Variants in ZG16 observed in about 807,000 individuals in gnomAD.
The protein encoded by ZG16 is zymogen granule protein 16.
ZG16 carries 9 observed loss-of-function variants against 15.6 expected under a neutral mutation model. The observed-to-expected ratio is 0.58, with a 90% CI of 0.35 to 1.00. The LOEUF (loss-of-function observed/expected upper bound fraction) is 1.00, where lower values mean the gene tolerates loss of function less well. Ranked by LOEUF, ZG16 falls within the 50% of genes least tolerant of loss-of-function variation. The probability of loss-of-function intolerance (pLI) is 0.02; values close to 1 mark genes in which losing one functional copy is unlikely to be tolerated. For synonymous variants in ZG16, 89 were observed against 87.4 expected (o/e 1.02, Z -0.10); for missense variants, 174 against 214.8 (o/e 0.81, Z 1.19).
intron 2 of ZG16, 37 bp from the exon 3 acceptor site, chr16:29,779,468 G>C (rs1292372285): frequency 2.1e-5 from 33 of 1,534,908 alleles, no homozygotes; most frequent in Non-Finnish European, 2.8e-5. Context: ...TGAACTCCTG[G>C]AAGATTTCTC....
In ZG16 at chr16:29,780,687, G is replaced by C. The variant is rs1898615869; in HGVS notation, c.*268G>C. 1.7e-5 allele frequency: 7 copies of C among 411,554 alleles called. No individual in the cohort carries two copies. In the East Asian group the frequency reaches 3.0e-4, roughly 18 times the overall value. The allele number at this position is 411,554 out of a possible 1,614,324, so 25.5% of individuals were successfully genotyped here. On this transcript the variant is annotated 3_prime_UTR_variant, in exon 4 of 4. Transcript: ENST00000400752. ...GCTATAATTTATCAAGAGGAGATGA[G>C]ATTCTGGCTTGCATCAACGCTCTTC...
rs2142353733 is a variant in ZG16 at position 29,780,290 on chromosome 16, C to T, written c.375C>T (p.Gly125=). 3.9e-6 allele frequency: 6 copies of T among 1,537,428 alleles called. No individual in the cohort carries two copies. The highest frequency in any genetic ancestry group is 1.7e-4 in the Middle Eastern group (1 of 5,990). The change falls in exon 4 of 4, where the codon GGC becomes GGT. Residue 125 remains glycine (G), a synonymous_variant. Transcript: ENST00000400752. ...ATCTGTCTTTTGGGAAAGACAGTGG[C>T]ACAAGTTTCAATGCCGTCCCCTTGC... ...GRYLSFGKDS[G]TSFNAVPLHP...
rs1040241577 is a variant in ZG16 at position 29,782,062 on chromosome 16, C to T, written c.*1643C>T. 2 of 152,168 alleles carry T rather than the reference C, an allele frequency of 1.3e-5. No homozygotes were observed. Among genetic ancestry groups the T allele is most frequent in the African/African-American group, 2.4e-5 (1 of 41,436 alleles). 9.4% of individuals were successfully genotyped at this position (152,168 alleles called of 1,614,324 possible). ...CTCTGCCTCTTGGGAAACACAGGCA[C>T]CAGTTTTAGTGCCATCTTCTTGCAC... On this transcript the variant is annotated 3_prime_UTR_variant, in exon 4 of 4. Transcript: ENST00000400752.
rs235642 is a variant in ZG16, at chr16:29,781,397, A to G, written c.*978A>G. On this transcript the variant is annotated 3_prime_UTR_variant, in exon 4 of 4. Coordinates refer to ENST00000400752, the MANE Select transcript of ZG16 (RefSeq NM_152338.4). The stretch of plus-strand genomic sequence containing the variant: ...TCACTGGTGAGGTCTCAAAAGAGAT[A>G]GAAGAGGATGGTTATGTAGTTGGGG... 0.9 allele frequency: 137,601 copies of G among 152,260 alleles called. 63,714 individuals carry two copies. The highest frequency in any genetic ancestry group is 1 in the Non-Finnish European group (67,979 of 68,052). 9.4% of individuals were successfully genotyped at this position (152,260 alleles called of 1,614,324 possible). A position where few individuals can be genotyped will look rare whatever the true frequency, so the allele number is the denominator to read the frequency against.
chr16:29,779,665 C>T (rs576837733), intron 3 of ZG16, 28 bp downstream of exon 3: 32 of 1,535,912 alleles, frequency 2.1e-5, no homozygotes, highest in Admixed American at 5.9e-5. Context: ...CCTGGCTGGG[C>T]GCGGTGGCTC....
chr16:29,781,032 A>G lies in ZG16; in HGVS notation c.*613A>G, dbSNP rs1173461031. ...CCTGCTAAGCCCTCTCAGATCTGGG[A>G]TTCCTCCTTCCTCAGGAAGCCACCA... On this transcript the variant is annotated 3_prime_UTR_variant, in exon 4 of 4. Transcript: ENST00000400752. 6.6e-6 allele frequency: 1 copy of G among 152,588 alleles called. No individual in the cohort carries two copies. The highest frequency in any genetic ancestry group is 1.5e-5 in the Non-Finnish European group (1 of 68,384). The allele number at this position is 152,588 out of a possible 1,614,324, so 9.5% of individuals were successfully genotyped here.
chr16:29,778,842 T>G (rs1898587863), intron 1 of ZG16, among the ~76,000 whole-genome samples: 1 of 152,172 alleles, frequency 6.6e-6, no homozygotes, highest in Non-Finnish European at 1.5e-5. Context: ...GCCATCTCTT[T>G]GCTTGGGAGA....
rs1298072124 is a variant in ZG16 at position 29,781,989 on chromosome 16, G to A, written c.*1570G>A. The A allele has an allele frequency of 6.6e-6, 1 of 152,216 alleles. No homozygotes were observed. The highest frequency in any genetic ancestry group is 6.5e-5 in the Admixed American group (1 of 15,274). 9.4% of individuals were successfully genotyped at this position (152,216 alleles called of 1,614,324 possible). A position where few individuals can be genotyped will look rare whatever the true frequency, so the allele number is the denominator to read the frequency against. On this transcript the variant is annotated 3_prime_UTR_variant, in exon 4 of 4. Transcript: ENST00000400752. ...TCATGTTGGGCATCAGATCAGGCAG[G>A]TTCACACACTACCTGAGGAAGCTGG... is the stretch of plus-strand genomic sequence containing the variant.
At chr16:29,779,111 A>C (rs942572345) in intron 1 of ZG16, 149 bp from the exon 2 acceptor site, 9 of 715,190 alleles carry the variant, frequency 1.3e-5, no homozygotes, top group African/African-American at 5.2e-5. Flanking sequence ...GGCTATGGAC[A>C]GTCCTTTCTA....
chr16:29,780,443 C>T lies in ZG16; in HGVS notation c.*24C>T. The T allele has an allele frequency of 6.6e-7, 1 of 1,509,758 alleles. No homozygotes were observed. The highest frequency in any genetic ancestry group is 8.9e-7 in the Non-Finnish European group (1 of 1,129,862). 93.5% of individuals were successfully genotyped at this position (1,509,758 alleles called of 1,614,324 possible). A position where few individuals can be genotyped will look rare whatever the true frequency, so the allele number is the denominator to read the frequency against. ...GAGCCTCCTCTCCTTGGCAGGGGCA[C>T]TGTGATGAGGAGTAAGAACTCCCTT... On this transcript the variant is annotated 3_prime_UTR_variant, in exon 4 of 4. Transcript: ENST00000400752.
At chr16:29,779,218 G>A (rs1898592087) in intron 1 of ZG16, 42 bp from the exon 2 acceptor site, 9 of 1,533,820 alleles carry the variant, frequency 5.9e-6, no homozygotes, top group East Asian at 2.4e-5. Context: ...AGTCAACAAG[G>A]AAGAAGGTGA....
chr16:29,779,490 T>C lies in ZG16; in HGVS notation c.56-15T>C, dbSNP rs1482381344. On this transcript the variant is annotated splice_polypyrimidine_tract_variant and intron_variant, in intron 2 of 3. Coordinates refer to ENST00000400752, the MANE Select transcript of ZG16 (RefSeq NM_152338.4). ...CTGGAAGATTTCTCCCTCCAACTCC[T>C]GCTTGCCCCTCCAGTTCAGGCCAGG... 2.6e-6 allele frequency: 4 copies of C among 1,536,466 alleles called. No individual in the cohort carries two copies. The highest frequency in any genetic ancestry group is 3.5e-6 in the Non-Finnish European group (4 of 1,146,294).
rs1166482188 is a variant in ZG16, at chr16:29,781,371, A to G, written c.*952A>G. On this transcript the variant is annotated 3_prime_UTR_variant, in exon 4 of 4. Coordinates refer to ENST00000400752, the MANE Select transcript of ZG16 (RefSeq NM_152338.4). ...AAGAGGCTGGAGATTCTGAAAAGAG[A>G]TCACTGGTGAGGTCTCAAAAGAGAT... The G allele has an allele frequency of 6.6e-6, 1 of 152,264 alleles. No homozygotes were observed. Among genetic ancestry groups the G allele is most frequent in the Non-Finnish European group, 1.5e-5 (1 of 68,060 alleles). 9.4% of individuals were successfully genotyped at this position (152,264 alleles called of 1,614,324 possible).
At chr16:29,779,965 C>G (rs1015341277) in intron 3 of ZG16, 139 bp from the exon 4 acceptor site, 3 of 830,168 alleles carry the variant, frequency 3.6e-6, no homozygotes, top group Non-Finnish European at 5.5e-6. Flanking sequence ...GACAGAGTCT[C>G]TTTGTTGGCA....
rs1898630071 is a variant in ZG16 at position 29,782,072 on chromosome 16, T to C, written c.*1653T>C. On this transcript the variant is annotated 3_prime_UTR_variant, in exon 4 of 4. Transcript: ENST00000400752. Reference sequence around the variant, plus strand: ...TGGGAAACACAGGCACCAGTTTTAGTGCCATCTTCTTGCACCCAAATGCTG... The same window carrying C: ...TGGGAAACACAGGCACCAGTTTTAGCGCCATCTTCTTGCACCCAAATGCTG... The C allele has an allele frequency of 6.6e-6, 1 of 152,240 alleles. No individual in the cohort carries two copies. The highest frequency in any genetic ancestry group is 1.5e-5 in the Non-Finnish European group (1 of 68,052). 9.4% of individuals were successfully genotyped at this position (152,240 alleles called of 1,614,324 possible).
intron 2 of ZG16, 64 bp from the exon 3 acceptor site, chr16:29,779,441 G>A: frequency 6.5e-7 from 1 of 1,535,034 alleles, no homozygotes; most frequent in Non-Finnish European, 8.7e-7. Context: ...GGAGGAACAG[G>A]GGTGATGCAG....
In ZG16 at chr16:29,781,769, T is replaced by G. The variant is rs1460289755; in HGVS notation, c.*1350T>G. On this transcript the variant is annotated 3_prime_UTR_variant, in exon 4 of 4. Coordinates refer to ENST00000400752, the MANE Select transcript of ZG16 (RefSeq NM_152338.4). ...CCCAGCCTGGATGACAGAGTGAGAC[T>G]CCATCTAAAAAAAAAAGGAATGTTA... is the stretch of plus-strand genomic sequence containing the variant. 1.3e-5 allele frequency: 2 copies of G among 151,732 alleles called. No homozygotes were observed. Among genetic ancestry groups the G allele is most frequent in the African/African-American group, 4.8e-5 (2 of 41,268 alleles). The allele number at this position is 151,732 out of a possible 1,614,324, so 9.4% of individuals were successfully genotyped here.
At chr16:29,778,606 T>C (rs1898583816) in intron 1 of ZG16, among the ~76,000 whole-genome samples, 1 of 152,176 alleles carries the variant, frequency 6.6e-6, no homozygotes, top group African/African-American at 2.4e-5. Flanking sequence ...AACTTCTCTG[T>C]CTGTCCTAGT....
Position 29,780,660 on chromosome 16 carries a change from G to T in ZG16, c.*241G>T, listed in dbSNP as rs1051332458. ...GAGGTATGTAAGAATCCTGGGCTTTGTGCTATAATTTATCAAGAGGAGATG... is the reference window on the plus strand; with the variant it reads ...GAGGTATGTAAGAATCCTGGGCTTTTTGCTATAATTTATCAAGAGGAGATG... On this transcript the variant is annotated 3_prime_UTR_variant, in exon 4 of 4. Coordinates refer to ENST00000400752, the MANE Select transcript of ZG16 (RefSeq NM_152338.4). 6.1e-6 allele frequency: 3 copies of T among 489,406 alleles called. No individual in the cohort carries two copies. Among genetic ancestry groups the T allele is most frequent in the Admixed American group, 3.7e-5 (1 of 27,088 alleles). The allele number at this position is 489,406 out of a possible 1,614,324, so 30.3% of individuals were successfully genotyped here. A position where few individuals can be genotyped will look rare whatever the true frequency, so the allele number is the denominator to read the frequency against.
Sources: allele counts gnomAD v4.1 joint callset (sites outside exome capture counted in the v4.1 genomes callset), GRCh38; gene constraint gnomAD v4.1.1; transcripts MANE v1.5; gene names NCBI Gene and HGNC (gene_info 2026-07-23, HGNC 2026-07-21).